COL5A2: variants seen among roughly 807,000 people sequenced by gnomAD.
COL5A2 encodes the protein collagen type V alpha 2 chain, also known as collagen alpha-2(V) chain.
A neutral mutation model predicts 208.2 loss-of-function variants in COL5A2; 23 were observed. The ratio of observed to expected loss-of-function variants is 0.11; its 90% CI spans 0.08 to 0.16. COL5A2 has a LOEUF of 0.16. COL5A2 is among the 10% of genes least tolerant of loss of function. The probability of loss-of-function intolerance (pLI) is 1.00; values close to 1 mark genes in which losing one functional copy is unlikely to be tolerated. For missense variants in COL5A2, 1,590 were observed against 1,956.4 expected (o/e 0.81, Z 3.53); for synonymous variants, 625 against 628.5 (o/e 0.99, Z 0.08).
chr2:189,255,646 T>C, the COL5A2 span, among the ~76,000 whole-genome samples: 1 of 152,184 alleles, frequency 6.6e-6, no homozygotes, highest in South Asian at 2.1e-4. Context: ...TTAACTTTAC[T>C]ATAGGTTGGT....
At chr2:189,358,625 T>C in the COL5A2 span, among the ~76,000 whole-genome samples, 10 of 152,224 alleles carry the variant, frequency 6.6e-5, no homozygotes, top group Non-Finnish European at 1.0e-4. Context: ...CTTAGGTGTT[T>C]TGACAAATAT....
At chr2:189,153,239 G>A (rs567206251) in intron 1 of COL5A2, among the ~76,000 whole-genome samples, 2 of 152,258 alleles carry the variant, frequency 1.3e-5, no homozygotes, top group South Asian at 2.1e-4. Context: ...TGTTACTTCT[G>A]GAAATTGGTT....
At chr2:189,143,218 CA>C (rs780465003) in intron 1 of COL5A2, among the ~76,000 whole-genome samples, 4 of 152,160 alleles carry the variant, frequency 2.6e-5, no homozygotes, top group Admixed American at 6.6e-5. Flanking sequence ...TGGGAAATGA[CA>C]TTCAATCCAA....
At chr2:189,176,654 A>G (rs1277722898) in intron 1 of COL5A2, among the ~76,000 whole-genome samples, 1 of 152,014 alleles carries the variant, frequency 6.6e-6, no homozygotes, top group Non-Finnish European at 1.5e-5. Context: ...CTTAACACAA[A>G]TGTGGAATCT....
chr2:189,260,252 T>C, the COL5A2 span, among the ~76,000 whole-genome samples: 30 of 152,276 alleles, frequency 2.0e-4, no homozygotes, highest in African/African-American at 6.5e-4. Context: ...CAGAAAGTCA[T>C]CCACAGACTT....
At chr2:189,369,252 T>A in the COL5A2 span, among the ~76,000 whole-genome samples, 1 of 152,132 alleles carries the variant, frequency 6.6e-6, no homozygotes, top group African/African-American at 2.4e-5. Context: ...CTTACCTAAT[T>A]TTGAAGACTG....
the COL5A2 span, among the ~76,000 whole-genome samples, chr2:189,274,259 T>C: frequency 6.6e-6 from 1 of 152,240 alleles, no homozygotes; most frequent in Admixed American, 6.5e-5. Context: ...GGTACGACAC[T>C]GATAGAAAAT....
At chr2:189,378,708 T>A in the COL5A2 span, among the ~76,000 whole-genome samples, 19 of 144,260 alleles carry the variant, frequency 1.3e-4, no homozygotes, top group African/African-American at 4.4e-4. Flanking sequence ...TGGGCGACAG[T>A]GCGAGACTCC....
the COL5A2 span, among the ~76,000 whole-genome samples, chr2:189,400,687 C>T: frequency 2.0e-5 from 3 of 152,236 alleles, no homozygotes; most frequent in South Asian, 6.2e-4. Flanking sequence ...AAACAGCACA[C>T]CAATAGACAT....
chr2:189,052,099 A>C (rs2105561199), intron 41 of COL5A2, 73 bp downstream of exon 41: 2 of 1,240,290 alleles, frequency 1.6e-6, no homozygotes, highest in East Asian at 2.4e-5. Context: ...TAAAATAATA[A>C]ATTTAACTCA....
Position 189,053,810 on chromosome 2 carries a change from T to A in COL5A2, c.2499+85A>T. On this transcript the variant is annotated intron_variant, in intron 37 of 53. Coordinates refer to ENST00000374866, the MANE Select transcript of COL5A2 (RefSeq NM_000393.5). Reference sequence around the variant, plus strand: ...TACATAACCTAAAACCAATAAGCATTGTTTTATATAAATATAAAAACAAAA... The same window carrying A: ...TACATAACCTAAAACCAATAAGCATAGTTTTATATAAATATAAAAACAAAA... The A allele has an allele frequency of 5.0e-6, 6 of 1,195,264 alleles. No homozygotes were observed. In the South Asian group the frequency reaches 7.9e-5, roughly 16 times the overall value. 74.0% of individuals were successfully genotyped at this position (1,195,264 alleles called of 1,614,324 possible).
At position 189,057,021 on chromosome 2, in the gene COL5A2, G is replaced by A. The variant is rs762976916; in HGVS notation, c.2343C>T (p.Gly781=). 28 of 1,613,612 alleles carry A rather than the reference G, an allele frequency of 1.7e-5. No individual in the cohort carries two copies. In the South Asian group the frequency reaches 2.6e-4, roughly 15 times the overall value. ...GTPGPKGDRG[G]IGEKGAEGTA... ...TGCCTTCAGCACCTTTTTCTCCTATGCCACCCTGGGAAAACACACAAAATA... is the reference window on the plus strand; with the variant it reads ...TGCCTTCAGCACCTTTTTCTCCTATACCACCCTGGGAAAACACACAAAATA... Residue 781 remains glycine (G), a synonymous_variant, in exon 35 of 54, where the codon GGC becomes GGT. Transcript: ENST00000374866.
intron 46 of COL5A2, 50 bp downstream of exon 46, chr2:189,045,750 T>C (rs371798473): frequency 7.9e-6 from 11 of 1,394,162 alleles, no homozygotes; most frequent in Non-Finnish European, 1.0e-5. Context: ...GCTTATAACA[T>C]AGCATATGGG....
chr2:189,386,737 G>A, the COL5A2 span, among the ~76,000 whole-genome samples: 2 of 151,980 alleles, frequency 1.3e-5, no homozygotes, highest in African/African-American at 2.4e-5. Context: ...TCATCATCAC[G>A]AACTATCAGA....
the COL5A2 span, among the ~76,000 whole-genome samples, chr2:189,394,200 A>G: frequency 1.4e-3 from 212 of 152,344 alleles, no homozygotes; most frequent in African/African-American, 5.0e-3. Flanking sequence ...TAAAGTAGGT[A>G]ATATAGTAGG....
intron 1 of COL5A2, among the ~76,000 whole-genome samples, chr2:189,127,724 G>C (rs946147802): frequency 6.6e-5 from 10 of 152,046 alleles, no homozygotes; most frequent in African/African-American, 2.4e-4. Flanking sequence ...TTAGCACAGA[G>C]GTTCCCAGAT....
intron 1 of COL5A2, among the ~76,000 whole-genome samples, chr2:189,158,443 A>G (rs191601599): frequency 1.3e-5 from 2 of 152,138 alleles, no homozygotes; most frequent in Admixed American, 1.3e-4. Context: ...GAAACAATAT[A>G]AAACTAAAAG....
the COL5A2 span, among the ~76,000 whole-genome samples, chr2:189,323,299 T>C: frequency 1.3e-5 from 2 of 152,062 alleles, no homozygotes; most frequent in Admixed American, 6.6e-5. Context: ...CTATTCAACA[T>C]AGTGTTGGAA....
the COL5A2 span, among the ~76,000 whole-genome samples, chr2:189,302,257 T>C: frequency 6.6e-6 from 1 of 152,266 alleles, no homozygotes; most frequent in South Asian, 2.1e-4. Context: ...CTCCCAATAT[T>C]GTCCACTAGC....
Sources: allele counts gnomAD v4.1 joint callset (sites outside exome capture counted in the v4.1 genomes callset), GRCh38; gene constraint gnomAD v4.1.1; transcripts MANE v1.5; gene names NCBI Gene and HGNC (gene_info 2026-07-23, HGNC 2026-07-21).